LRP1: variants seen among roughly 807,000 people sequenced by gnomAD.
LRP1 encodes prolow-density lipoprotein receptor-related protein 1.
LRP1 carries 51 observed loss-of-function variants against 541.5 expected under a neutral mutation model. The ratio of observed to expected loss-of-function variants is 0.09; its 90% CI spans 0.08 to 0.12. The LOEUF is 0.12. LRP1 is among the 10% of genes least tolerant of loss of function. The pLI is 1.00. For synonymous variants in LRP1, 2,219 were observed against 2,470.8 expected, an observed-to-expected ratio of 0.90 and a Z score of 3.02; for missense variants, 3,878 against 6,376.2, an observed-to-expected ratio of 0.61 and a Z score of 13.34.
In LRP1 at chr12:57,156,714, G is replaced by A; in HGVS notation, c.1418-63G>A. 5 of 1,516,116 alleles carry A rather than the reference G, an allele frequency of 3.3e-6. No homozygotes were observed. Among genetic ancestry groups the A allele is most frequent in the Non-Finnish European group, 4.5e-6 (5 of 1,119,928 alleles). The allele number at this position is 1,516,116 out of a possible 1,614,324, so 93.9% of individuals were successfully genotyped here. On this transcript the variant is annotated intron_variant, in intron 9 of 88. Transcript: ENST00000243077. The surrounding 1 kb of genome is among the most constrained non-coding windows in gnomAD (Gnocchi z 5.2). The stretch of plus-strand genomic sequence containing the variant: ...CAGGGGGTGTGGTCAGATTCAGGAA[G>A]CCTTCTCAAGGCCTGGCACAGGGGC...
intron 1 of LRP1, among the ~76,000 whole-genome samples, chr12:57,132,348 C>T (rs1288036883): frequency 6.6e-6 from 1 of 152,152 alleles, no homozygotes; most frequent in South Asian, 2.1e-4. Flanking sequence ...TCCCACCAGG[C>T]CTTAGCTTCC....
chr12:57,196,881 G>A, intron 55 of LRP1, 101 bp from the exon 56 acceptor site: 1 of 1,059,728 alleles, frequency 9.4e-7, no homozygotes, highest in Non-Finnish European at 1.4e-6. Context: ...GCTGCCCCTA[G>A]TGAGGCCGGG....
At chr12:57,160,842 G>C in intron 12 of LRP1, 51 bp from the exon 13 acceptor site, 1 of 1,425,478 alleles carries the variant, frequency 7.0e-7, no homozygotes, top group South Asian at 1.2e-5. Flanking sequence ...CACAGGGGAG[G>C]CTGTTGATGG....
rs764409398 is a variant in LRP1 at position 57,138,527 on chromosome 12, C to T, written c.136C>T (p.Arg46Trp). 8.1e-6 allele frequency: 13 copies of T among 1,613,944 alleles called. No individual in the cohort carries two copies. Among genetic ancestry groups the T allele is most frequent in the African/African-American group, 2.7e-5 (2 of 74,896 alleles). The change falls in exon 2 of 89, where the codon CGG becomes TGG. Residue 46 changes from arginine (R) to tryptophan (W), a missense_variant. Transcript: ENST00000243077. Reference sequence around the variant, plus strand: ...AATAACCTGTATCTCAAAGGGCTGGCGGTGCGACGGTGAGAGGGACTGCCC... The same window carrying T: ...AATAACCTGTATCTCAAAGGGCTGGTGGTGCGACGGTGAGAGGGACTGCCC... ...DQITCISKGW[R>W]CDGERDCPDG...
At chr12:57,203,323 AGAG>A (rs1310032891) in intron 69 of LRP1, 36 bp downstream of exon 69, 1 of 1,591,440 alleles carries the variant, frequency 6.3e-7, no homozygotes. Flanking sequence ...AGATGGCCTC[AGAG>A]GAGTTCAGGC....
chr12:57,200,136 A>T (rs2036617573), intron 62 of LRP1, 111 bp downstream of exon 62: 1 of 907,616 alleles, frequency 1.1e-6, no homozygotes, highest in South Asian at 1.7e-5. Flanking sequence ...TGGTTTTCCC[A>T]CACTAACACC....
intron 55 of LRP1, 136 bp downstream of exon 55, chr12:57,196,413 G>A (rs1448217244): frequency 1.1e-6 from 1 of 892,316 alleles, no homozygotes; most frequent in Non-Finnish European, 1.7e-6. Context: ...GCTTGGTTGG[G>A]GTCTGCCTCT....
chr12:57,147,555 T>C (rs1377056383), intron 6 of LRP1: 1 of 152,238 alleles, frequency 6.6e-6, no homozygotes, highest in Non-Finnish European at 1.5e-5. Context: ...AAGCCTTCCA[T>C]TCTGTGCTGT....
chr12:57,154,695 C>T lies in LRP1; in HGVS notation c.1221C>T (p.Gly407=), dbSNP rs1333583420. Residue 407 remains glycine, a synonymous_variant, in exon 8 of 89, where the codon GGC becomes GGT. Coordinates refer to ENST00000243077, the MANE Select transcript of LRP1 (RefSeq NM_002332.3). This position sits in a 1 kb window ranked among gnomAD's most constrained non-coding sequence, Gnocchi z 4.6. The part of the protein sequence containing the change: ...EGKGRQTIIQ[G]ILIEHLYGLT... The stretch of plus-strand genomic sequence containing the variant: ...AGGGCCGCCAGACCATCATCCAGGG[C>T]ATCCTGGTGAGGGAGCTACTGTCTG... 2 of 1,558,040 alleles carry T rather than the reference C, an allele frequency of 1.3e-6. No homozygotes were observed. The highest frequency in any genetic ancestry group is 1.7e-6 in the Non-Finnish European group (2 of 1,150,538).
At chr12:57,143,179 C>A (rs1308082953) in intron 3 of LRP1, among the ~76,000 whole-genome samples, 1 of 152,182 alleles carries the variant, frequency 6.6e-6, no homozygotes, top group African/African-American at 2.4e-5. Flanking sequence ...GGGCCTTAGG[C>A]CTTCTCTCTG....
chr12:57,163,203 G>C (rs1419045085), intron 15 of LRP1, among the ~76,000 whole-genome samples: 1 of 152,210 alleles, frequency 6.6e-6, no homozygotes, highest in Non-Finnish European at 1.5e-5. Flanking sequence ...GTGAGGGGAT[G>C]GCAATTAGGG....
chr12:57,156,366 G>C lies in LRP1; in HGVS notation c.1417+83G>C. On this transcript the variant is annotated intron_variant, in intron 9 of 88. Coordinates refer to ENST00000243077, the MANE Select transcript of LRP1 (RefSeq NM_002332.3). The surrounding 1 kb of genome is among the most constrained non-coding windows in gnomAD (Gnocchi z 5.2). The stretch of plus-strand genomic sequence containing the variant: ...CCTTGGGATCACAGCCCCTCTCTGG[G>C]CCCTCCTGTGGGGACCCTGGCTTCT... The C allele has an allele frequency of 7.1e-7, 1 of 1,400,860 alleles. No homozygotes were observed. The highest frequency in any genetic ancestry group is 9.7e-7 in the Non-Finnish European group (1 of 1,029,008). 86.8% of individuals were successfully genotyped at this position (1,400,860 alleles called of 1,614,324 possible). A position where few individuals can be genotyped will look rare whatever the true frequency, so the allele number is the denominator to read the frequency against.
chr12:57,178,277 G>T lies in LRP1; in HGVS notation c.4362-82G>T, dbSNP rs1387508867. ...CTTCGCTGGGAGGGCTGTGGCCAGG[G>T]CCCAGAGGGTGGGCACCTGGGCAGA... is the stretch of plus-strand genomic sequence containing the variant. On this transcript the variant is annotated intron_variant, in intron 26 of 88. Transcript: ENST00000243077. This position sits in a 1 kb window ranked among gnomAD's most constrained non-coding sequence, Gnocchi z 5.8. 2.0e-6 allele frequency: 3 copies of T among 1,515,612 alleles called. No homozygotes were observed. Among genetic ancestry groups the T allele is most frequent in the Non-Finnish European group, 2.7e-6 (3 of 1,112,886 alleles). 93.9% of individuals were successfully genotyped at this position (1,515,612 alleles called of 1,614,324 possible).
Position 57,162,232 on chromosome 12 carries a change from A to T in LRP1, c.2203-85A>T. On this transcript the variant is annotated intron_variant, in intron 13 of 88. Transcript: ENST00000243077. The surrounding 1 kb of genome is among the most constrained non-coding windows in gnomAD (Gnocchi z 5.2). ...AAAGCAAAACCCATGCCCAGGACAT[A>T]GACAAATGAATGTACAAAACAGTGA... 1 of 1,183,388 alleles carries T rather than the reference A, an allele frequency of 8.5e-7. No individual in the cohort carries two copies. The highest frequency in any genetic ancestry group is 1.3e-6 in the Non-Finnish European group (1 of 794,100). 73.3% of individuals were successfully genotyped at this position (1,183,388 alleles called of 1,614,324 possible).
intron 78 of LRP1, 48 bp from the exon 79 acceptor site, chr12:57,209,035 G>A: frequency 2.0e-6 from 3 of 1,491,412 alleles, no homozygotes; most frequent in Non-Finnish European, 2.8e-6. Flanking sequence ...TCCACCCCGA[G>A]CCTGGGTTGG....
In LRP1 at chr12:57,207,889, G is replaced by A. The variant is rs575662676; in HGVS notation, c.11860-149G>A. ...CACGTGTGAGAGCTGCGAGTCTGGC[G>A]CATAAGCTCCATGCCGGTTGAATCT... is the stretch of plus-strand genomic sequence containing the variant. On this transcript the variant is annotated intron_variant, in intron 76 of 88. Transcript: ENST00000243077. 42 of 833,734 alleles carry A rather than the reference G, an allele frequency of 5.0e-5. 1 individual carries two copies. The Admixed American group carries it at 9.8e-4, about 19-fold the overall frequency. The allele number at this position is 833,734 out of a possible 1,614,324, so 51.6% of individuals were successfully genotyped here.
At chr12:57,202,744 G>A (rs1555187819) in intron 68 of LRP1, 1 of 601,420 alleles carries the variant, frequency 1.7e-6, no homozygotes, top group Non-Finnish European at 3.0e-6. Flanking sequence ...TTTTCACACT[G>A]TCCTCTCGGG....
Position 57,196,246 on chromosome 12 carries a change from A to C in LRP1, c.8861A>C (p.Gln2954Pro), listed in dbSNP as rs770490623. Residue 2954 changes from glutamine (Q) to proline (P), a missense_variant, in exon 55 of 89, where the codon CAG (glutamine) becomes CCG (proline). This residue lies in a region of LRP1 where 1,100 missense variants were observed against 1,827.4 expected (regional missense o/e 0.60). Transcript: ENST00000243077. ...AGCCGCAAGCTCAGTGGCTGCAGCC[A>C]GGACTGTGAGGACCTCAAGATCGGC... ...CLSRKLSGCS[Q>P]DCEDLKIGFK... 1 of 1,602,290 alleles carries C rather than the reference A, an allele frequency of 6.2e-7. No individual in the cohort carries two copies. Among genetic ancestry groups the C allele is most frequent in the Admixed American group, 1.7e-5 (1 of 59,492 alleles).
chr12:57,147,419 G>A (rs1039739385), intron 6 of LRP1: 4 of 152,336 alleles, frequency 2.6e-5, no homozygotes, highest in African/African-American at 9.7e-5. Flanking sequence ...TGTGTAGGGT[G>A]GCTGGTCCCA....
Sources: allele counts gnomAD v4.1 joint callset (sites outside exome capture counted in the v4.1 genomes callset), GRCh38; gene constraint gnomAD v4.1.1; regional missense constraint gnomAD v4.1.1; non-coding constraint Gnocchi (gnomAD v3.1); transcripts MANE v1.5; gene names NCBI Gene and HGNC (gene_info 2026-07-23, HGNC 2026-07-21).